PPP3CA: variants seen among roughly 807,000 people sequenced by gnomAD.
The protein encoded by PPP3CA is protein phosphatase 3 catalytic subunit alpha.
Under a neutral mutation model 66.5 loss-of-function variants are expected in PPP3CA, and 14 were observed. The observed-to-expected ratio is 0.21, with a 90% CI of 0.14 to 0.33. The LOEUF (loss-of-function observed/expected upper bound fraction) is 0.33, where lower values mean the gene tolerates loss of function less well. Among genes scored for constraint, PPP3CA ranks in the 10% least tolerant of loss-of-function variants. The pLI, the probability that PPP3CA is intolerant of heterozygous loss-of-function variation, is 1.00. For missense variants in PPP3CA, 317 were observed against 639.5 expected, an observed-to-expected ratio of 0.50 and a Z score of 5.44; for synonymous variants, 232 against 226.2, an observed-to-expected ratio of 1.03 and a Z score of -0.23.
intron 10 of PPP3CA, among the ~76,000 whole-genome samples, chr4:101,057,143 C>T (rs1391418563): frequency 2.0e-5 from 3 of 151,670 alleles, no homozygotes; most frequent in Admixed American, 2.0e-4. Flanking sequence ...CAACCTCTGT[C>T]TCCCGGGTTC....
At chr4:101,149,152 A>G (rs1723055995) in intron 2 of PPP3CA, among the ~76,000 whole-genome samples, 1 of 152,202 alleles carries the variant, frequency 6.6e-6, no homozygotes, top group Non-Finnish European at 1.5e-5. Context: ...TAAACTCTAA[A>G]GAAGTTGCTT....
intron 2 of PPP3CA, among the ~76,000 whole-genome samples, chr4:101,146,481 C>T (rs1190805038): frequency 1.3e-5 from 2 of 151,450 alleles, no homozygotes; most frequent in African/African-American, 2.4e-5. Context: ...CTCGCTCTGT[C>T]GCCCAGACTG....
intron 2 of PPP3CA, among the ~76,000 whole-genome samples, chr4:101,187,325 GA>G (rs1440658652): frequency 6.6e-6 from 1 of 151,896 alleles, no homozygotes. Context: ...TACAGAGGAG[GA>G]AAAAAGTCTG....
chr4:101,278,408 C>G (rs1727578879), intron 1 of PPP3CA, among the ~76,000 whole-genome samples: 1 of 152,104 alleles, frequency 6.6e-6, no homozygotes, highest in South Asian at 2.1e-4. Context: ...GACACCTGAT[C>G]CCCTCCTCAT....
chr4:101,306,287 G>C (rs1728533181), intron 1 of PPP3CA, among the ~76,000 whole-genome samples: 1 of 152,120 alleles, frequency 6.6e-6, no homozygotes, highest in East Asian at 1.9e-4. Flanking sequence ...GCTTGAATTA[G>C]TAGCCAACTT....
chr4:101,048,832 G>A (rs1727887401), intron 10 of PPP3CA, among the ~76,000 whole-genome samples: 1 of 151,994 alleles, frequency 6.6e-6, no homozygotes, highest in Non-Finnish European at 1.5e-5. Context: ...GCAATGAATG[G>A]TGTGATATTT....
chr4:101,222,408 A>G (rs1207191177), intron 1 of PPP3CA, among the ~76,000 whole-genome samples: 1 of 151,672 alleles, frequency 6.6e-6, no homozygotes, highest in Non-Finnish European at 1.5e-5. Flanking sequence ...ATTCAATAAC[A>G]ATGGTATGCC....
At chr4:101,202,607 T>C (rs1725004403) in intron 1 of PPP3CA, among the ~76,000 whole-genome samples, 1 of 151,344 alleles carries the variant, frequency 6.6e-6, no homozygotes, top group Non-Finnish European at 1.5e-5. Context: ...AGGGTTCTAC[T>C]TACGCTACTC....
Position 101,347,236 on chromosome 4 carries a change from CG to C in PPP3CA, c.-441del. The C allele has an allele frequency of 4.7e-5, 10 of 214,878 alleles. No individual in the cohort carries two copies. Among genetic ancestry groups the C allele is most frequent in the South Asian group, 2.4e-4 (4 of 17,006 alleles). 13.3% of individuals were successfully genotyped at this position (214,878 alleles called of 1,614,324 possible). A position where few individuals can be genotyped will look rare whatever the true frequency, so the allele number is the denominator to read the frequency against. On this transcript the variant is annotated 5_prime_UTR_variant, in exon 1 of 14. Coordinates refer to ENST00000394854, the MANE Select transcript of PPP3CA (RefSeq NM_000944.5). Reference sequence around the variant, plus strand: ...TTAAGACCGATCACATGGGGAAGGCCGGGGGCGAGGGAGGAGAGGCAGGGCC... The same window carrying C: ...TTAAGACCGATCACATGGGGAAGGCCGGGGCGAGGGAGGAGAGGCAGGGCC...
intron 2 of PPP3CA, among the ~76,000 whole-genome samples, chr4:101,137,079 A>G (rs1463941040): frequency 6.6e-6 from 1 of 152,124 alleles, no homozygotes; most frequent in African/African-American, 2.4e-5. Context: ...TTAGAATTGT[A>G]AAGTATATTG....
chr4:101,309,450 T>C (rs1351766764), intron 1 of PPP3CA, among the ~76,000 whole-genome samples: 2 of 151,976 alleles, frequency 1.3e-5, no homozygotes, highest in African/African-American at 4.8e-5. Flanking sequence ...GTAGGTTTCA[T>C]ATAAACACTT....
intron 1 of PPP3CA, among the ~76,000 whole-genome samples, chr4:101,311,646 G>A (rs1728725191): frequency 6.6e-6 from 1 of 152,178 alleles, no homozygotes; most frequent in Admixed American, 6.5e-5. Flanking sequence ...CAGGCATGGT[G>A]GCGTGTGTCT....
chr4:101,029,115 C>T (rs778903341), intron 13 of PPP3CA, 51 bp downstream of exon 13: 97 of 1,521,884 alleles, frequency 6.4e-5, no homozygotes, highest in Non-Finnish European at 8.3e-5. Flanking sequence ...ATACACCCAG[C>T]AGAGCCCTTA....
intron 2 of PPP3CA, among the ~76,000 whole-genome samples, chr4:101,132,499 G>A (rs997843709): frequency 1.1e-4 from 16 of 152,128 alleles, no homozygotes; most frequent in Non-Finnish European, 1.5e-5. Context: ...AGAAAATCTA[G>A]AAGAAATGGA....
At chr4:101,042,685 T>G (rs1013840519) in intron 10 of PPP3CA, among the ~76,000 whole-genome samples, 2 of 152,114 alleles carry the variant, frequency 1.3e-5, no homozygotes, top group Non-Finnish European at 2.9e-5. Flanking sequence ...ATATTAATTA[T>G]CTATGATTTG....
At chr4:101,148,347 A>G (rs1214075341) in intron 2 of PPP3CA, among the ~76,000 whole-genome samples, 1 of 152,138 alleles carries the variant, frequency 6.6e-6, no homozygotes, top group East Asian at 1.9e-4. Flanking sequence ...TAGTTTCTCA[A>G]TATCACTTTT....
At chr4:101,137,334 C>T (rs1237723181) in intron 2 of PPP3CA, among the ~76,000 whole-genome samples, 1 of 152,088 alleles carries the variant, frequency 6.6e-6, no homozygotes, top group Non-Finnish European at 1.5e-5. Context: ...AGTAGGGAAT[C>T]TGACTGAGTC....
chr4:101,145,138 A>G (rs1049586366), intron 2 of PPP3CA, among the ~76,000 whole-genome samples: 4 of 152,172 alleles, frequency 2.6e-5, no homozygotes, highest in Non-Finnish European at 2.9e-5. Flanking sequence ...CTCTATATAT[A>G]ATGTTTTCAG....
At chr4:101,308,399 A>G (rs1262223311) in intron 1 of PPP3CA, among the ~76,000 whole-genome samples, 1 of 152,200 alleles carries the variant, frequency 6.6e-6, no homozygotes, top group Non-Finnish European at 1.5e-5. Context: ...TTACAGTTTT[A>G]TCACAATACC....
Sources: allele counts gnomAD v4.1 joint callset (sites outside exome capture counted in the v4.1 genomes callset), GRCh38; gene constraint gnomAD v4.1.1; transcripts MANE v1.5; gene names NCBI Gene and HGNC (gene_info 2026-07-23, HGNC 2026-07-21).